Variants in FBXL17 observed in about 807,000 individuals in gnomAD.
FBXL17 encodes F-box/LRR-repeat protein 17.
In FBXL17, 22 loss-of-function variants were observed where a neutral mutation model predicts 66.2. The observed-to-expected ratio is 0.33, with a 90% CI of 0.24 to 0.47. The LOEUF (loss-of-function observed/expected upper bound fraction) is 0.47. FBXL17 is among the 20% of genes least tolerant of loss of function. FBXL17 has a pLI of 1.00. For synonymous variants in FBXL17, 474 were observed against 400.5 expected, an observed-to-expected ratio of 1.18 and a Z score of -2.19; for missense variants, 878 against 948.2, an observed-to-expected ratio of 0.93 and a Z score of 0.97.
intron 4 of FBXL17, among the ~76,000 whole-genome samples, chr5:108,306,481 G>T (rs1580784536): frequency 6.6e-6 from 1 of 152,008 alleles, no homozygotes; most frequent in Non-Finnish European, 1.5e-5. Context: ...TCATCTCCCT[G>T]AGCTTCAAGC....
intron 6 of FBXL17, among the ~76,000 whole-genome samples, chr5:108,063,065 T>C (rs957947182): frequency 2.0e-5 from 3 of 152,348 alleles, no homozygotes; most frequent in East Asian, 1.9e-4. Flanking sequence ...TACAATATTA[T>C]ATCATGCTCT....
intron 4 of FBXL17, among the ~76,000 whole-genome samples, chr5:108,313,889 A>T (rs1056329255): frequency 1.3e-5 from 2 of 151,904 alleles, no homozygotes; most frequent in Non-Finnish European, 2.9e-5. Flanking sequence ...AAAAAGAAAG[A>T]ACCTGATAAA....
intron 8 of FBXL17, among the ~76,000 whole-genome samples, chr5:107,868,876 A>G (rs1207012701): frequency 2.7e-5 from 4 of 150,888 alleles, no homozygotes; most frequent in African/African-American, 9.9e-5. Flanking sequence ...AAGAAAGGAA[A>G]CCAGCTCATG....
At chr5:108,082,217 TAA>T (rs57269733) in intron 6 of FBXL17, among the ~76,000 whole-genome samples, 4 of 145,956 alleles carry the variant, frequency 2.7e-5, no homozygotes, top group African/African-American at 7.5e-5. Flanking sequence ...TCCCCTCTGG[TAA>T]AAAAAAAAAA....
At chr5:107,943,143 C>T (rs1292797309) in intron 7 of FBXL17, among the ~76,000 whole-genome samples, 1 of 152,178 alleles carries the variant, frequency 6.6e-6, no homozygotes, top group Admixed American at 6.5e-5. Flanking sequence ...TCCCACTACA[C>T]AACACTTCCT....
intron 4 of FBXL17, chr5:108,299,180 C>T (rs750794523): frequency 9.1e-6 from 9 of 984,430 alleles, no homozygotes; most frequent in African/African-American, 1.7e-5. Context: ...TTCTTTTAAA[C>T]AAATGGCAGA....
At chr5:107,990,021 T>G (rs1259119507) in intron 7 of FBXL17, among the ~76,000 whole-genome samples, 1 of 152,154 alleles carries the variant, frequency 6.6e-6, no homozygotes, top group African/African-American at 2.4e-5. Flanking sequence ...GGAGTGCAGA[T>G]CTGAAACTGG....
At chr5:107,928,591 G>A (rs1346701843) in intron 7 of FBXL17, among the ~76,000 whole-genome samples, 1 of 152,030 alleles carries the variant, frequency 6.6e-6, no homozygotes, top group Non-Finnish European at 1.5e-5. Flanking sequence ...ATTTGAGAAA[G>A]ATAAGTAATT....
At chr5:108,103,099 A>AT (rs1749663868) in intron 6 of FBXL17, among the ~76,000 whole-genome samples, 1 of 152,074 alleles carries the variant, frequency 6.6e-6, no homozygotes, top group African/African-American at 2.4e-5. Flanking sequence ...GGACTATTCC[A>AT]TTTTTCTGTC....
chr5:108,358,181 T>C (rs1748120169), intron 3 of FBXL17, among the ~76,000 whole-genome samples: 1 of 152,164 alleles, frequency 6.6e-6, no homozygotes, highest in South Asian at 2.1e-4. Context: ...TTCTTTTTCT[T>C]GCCAAATTGC....
At chr5:108,286,851 C>T (rs10071595) in intron 4 of FBXL17, among the ~76,000 whole-genome samples, 2 of 151,650 alleles carry the variant, frequency 1.3e-5, no homozygotes, top group East Asian at 1.9e-4. Flanking sequence ...AAAAAGAACA[C>T]GTCTGGAGGC....
rs1750663212 is a variant in FBXL17 at position 108,125,506 on chromosome 5, T to C, written c.1745+60611A>G. Among the ~76,000 whole-genome samples the C allele has an allele frequency of 3.9e-5, 6 of 152,140 alleles. No individual in the cohort carries two copies. The South Asian group carries it at 1.2e-3, about 31-fold the overall frequency. On this transcript the variant is annotated intron_variant, in intron 6 of 8. Transcript: ENST00000542267. ...GTATCAGCTAGAATTTAAGTTATCCTGAAATAAGAACTTCCTAAATGAGAT... is the reference window on the plus strand; with the variant it reads ...GTATCAGCTAGAATTTAAGTTATCCCGAAATAAGAACTTCCTAAATGAGAT...
In FBXL17 at chr5:107,980,645, A is replaced by AAT. The variant is rs61438456; in HGVS notation, c.1822+40278_1822+40279dup. 1.5e-3 allele frequency among the ~76,000 whole-genome samples: 122 copies of AAT among 79,184 alleles called. 12 individuals carry two copies. The highest frequency in any genetic ancestry group is 0.012 in the East Asian group (14 of 1,190). 51.9% of individuals were successfully genotyped at this position (79,184 alleles called of 152,430 possible). A position where few individuals can be genotyped will look rare whatever the true frequency, so the allele number is the denominator to read the frequency against. Reference sequence around the variant, plus strand: ...AGCCACCATGACTGGCCAATAAAATAATATATATATATATATATATTTTTT... The same window carrying AAT: ...AGCCACCATGACTGGCCAATAAAATAATATATATATATATATATATATTTTTT... On this transcript the variant is annotated intron_variant, in intron 7 of 8. Transcript: ENST00000542267.
intron 4 of FBXL17, among the ~76,000 whole-genome samples, chr5:108,320,724 A>C (rs1759579061): frequency 6.6e-6 from 1 of 151,810 alleles, no homozygotes; most frequent in African/African-American, 2.4e-5. Flanking sequence ...AAGAACAAAA[A>C]CCCTCATTTT....
chr5:108,195,052 A>G (rs1246448286), intron 5 of FBXL17, among the ~76,000 whole-genome samples: 2 of 152,232 alleles, frequency 1.3e-5, no homozygotes, highest in Non-Finnish European at 2.9e-5. Context: ...TTGATTAAGC[A>G]GCTATTGTGT....
At chr5:107,982,765 A>C (rs1302840408) in intron 7 of FBXL17, among the ~76,000 whole-genome samples, 1 of 152,194 alleles carries the variant, frequency 6.6e-6, no homozygotes, top group African/African-American at 2.4e-5. Flanking sequence ...CTAACAGGTG[A>C]TGAATTATAT....
chr5:107,979,979 A>G (rs1194228674), intron 7 of FBXL17, among the ~76,000 whole-genome samples: 1 of 152,226 alleles, frequency 6.6e-6, no homozygotes, highest in Non-Finnish European at 1.5e-5. Flanking sequence ...TGCTCTGACA[A>G]ATCTTTAAAT....
rs576819859 is a variant in FBXL17, at chr5:107,908,714, G to A, written c.1823-27535C>T. Among the ~76,000 whole-genome samples, 106 of 152,282 alleles carry A rather than the reference G, an allele frequency of 7.0e-4. 1 individual carries two copies. The South Asian group carries it at 0.022, about 31-fold the overall frequency. ...GAGGACTGCGGGGCAAAGGCCCTTG[G>A]GTGGGAATGCTCGTGGTAGAATGGA... On this transcript the variant is annotated intron_variant, in intron 7 of 8. Transcript: ENST00000542267.
At chr5:108,325,819 G>A (rs1463714486) in intron 4 of FBXL17, among the ~76,000 whole-genome samples, 2 of 152,102 alleles carry the variant, frequency 1.3e-5, no homozygotes, top group Non-Finnish European at 2.9e-5. Context: ...ATCAACCTAA[G>A]GAAACAAGAC....
Sources: allele counts gnomAD v4.1 joint callset (sites outside exome capture counted in the v4.1 genomes callset), GRCh38; gene constraint gnomAD v4.1.1; transcripts MANE v1.5; gene names NCBI Gene and HGNC (gene_info 2026-07-23, HGNC 2026-07-21).